HDAC4: variants seen among roughly 807,000 people sequenced by gnomAD.
HDAC4 encodes the protein histone deacetylase 4, also known as histone deacetylase A.
In HDAC4, 16 loss-of-function variants were observed where a neutral mutation model predicts 135.1. The ratio of observed to expected loss-of-function variants is 0.12; its 90% CI spans 0.08 to 0.18. The LOEUF (loss-of-function observed/expected upper bound fraction) is 0.18, where lower values mean the gene tolerates loss of function less well. Among genes scored for constraint, HDAC4 ranks in the 10% least tolerant of loss-of-function variants. The probability of loss-of-function intolerance (pLI) is 1.00; values close to 1 mark genes in which losing one functional copy is unlikely to be tolerated. For missense variants in HDAC4, 1,143 were observed against 1,511.8 expected (o/e 0.76, Z 4.05); for synonymous variants, 685 against 653.4 (o/e 1.05, Z -0.74).
At chr2:239,389,706 G>A (rs1008307671) in intron 1 of HDAC4, among the ~76,000 whole-genome samples, 2 of 152,166 alleles carry the variant, frequency 1.3e-5, no homozygotes, top group African/African-American at 2.4e-5. Context: ...CATGAGGCAC[G>A]AGGAGCTAAA....
At position 239,352,626 on chromosome 2, in the gene HDAC4, TG is replaced by T; in HGVS notation, c.22+51del. ...GCTGCAGTCACAAGAACTTCTACTT[TG>T]GGCAAAGAAAGCCCCGCTGTGTGCC... On this transcript the variant is annotated intron_variant, in intron 2 of 26. Coordinates refer to ENST00000543185, the MANE Select transcript of HDAC4 (RefSeq NM_001378414.1). The surrounding 1 kb of genome is among the most constrained non-coding windows in gnomAD (Gnocchi z 4.4). 1 of 1,533,916 alleles carries T rather than the reference TG, an allele frequency of 6.5e-7. No homozygotes were observed. The highest frequency in any genetic ancestry group is 8.8e-7 in the Non-Finnish European group (1 of 1,130,682).
intron 2 of HDAC4, among the ~76,000 whole-genome samples, chr2:239,283,297 G>C (rs137884915): frequency 6.6e-6 from 1 of 152,230 alleles, no homozygotes; most frequent in Non-Finnish European, 1.5e-5. Flanking sequence ...TCTGCATGAC[G>C]CTGGGTCTCT....
At chr2:239,232,083 G>A (rs1344072217) in intron 3 of HDAC4, among the ~76,000 whole-genome samples, 2 of 152,134 alleles carry the variant, frequency 1.3e-5, no homozygotes, top group East Asian at 1.9e-4. Flanking sequence ...CTCCTCAATC[G>A]AGGCTGCTGA....
intron 9 of HDAC4, among the ~76,000 whole-genome samples, chr2:239,136,641 C>A (rs62190771): frequency 1.3e-5 from 2 of 152,172 alleles, no homozygotes; most frequent in African/African-American, 4.8e-5. Flanking sequence ...GCCATTCATC[C>A]GACAAGGGAG....
intron 22 of HDAC4, among the ~76,000 whole-genome samples, chr2:239,080,545 AGGAG>A (rs1340533861): frequency 2.0e-5 from 3 of 152,114 alleles, no homozygotes; most frequent in Non-Finnish European, 4.4e-5. Context: ...CCTAGACCAA[AGGAG>A]AAGGAACCGC....
At chr2:239,142,073 G>A (rs1259820359) in intron 8 of HDAC4, among the ~76,000 whole-genome samples, 1 of 152,126 alleles carries the variant, frequency 6.6e-6, no homozygotes. Flanking sequence ...TGCAGAGTGA[G>A]AGAACTCAGG....
chr2:239,053,946 G>T (rs1036416993), intron 25 of HDAC4, among the ~76,000 whole-genome samples: 2 of 152,092 alleles, frequency 1.3e-5, no homozygotes, highest in Non-Finnish European at 2.9e-5. Flanking sequence ...AGCCTGCTGG[G>T]TTGAGCCTTC....
intron 2 of HDAC4, among the ~76,000 whole-genome samples, chr2:239,264,860 C>T (rs142880616): frequency 2.0e-5 from 3 of 152,296 alleles, no homozygotes; most frequent in Admixed American, 6.5e-5. Flanking sequence ...CTCGGTGTTC[C>T]GGGGACCTGA....
intron 11 of HDAC4, among the ~76,000 whole-genome samples, chr2:239,129,500 G>C (rs1377678226): frequency 2.0e-5 from 3 of 152,160 alleles, no homozygotes; most frequent in African/African-American, 7.2e-5. Context: ...CCTGCTCTGG[G>C]CTCCTCCCCT....
chr2:239,081,712 C>T (rs1396932347), intron 21 of HDAC4, among the ~76,000 whole-genome samples: 1 of 152,202 alleles, frequency 6.6e-6, no homozygotes, highest in Admixed American at 6.5e-5. Flanking sequence ...GCCTGCCGTT[C>T]CTGGGGCCGC....
chr2:239,080,509 G>A (rs555857979), intron 22 of HDAC4, among the ~76,000 whole-genome samples: 1 of 152,268 alleles, frequency 6.6e-6, no homozygotes, highest in African/African-American at 2.4e-5. Context: ...ATCCCATTTT[G>A]GGTCACAGGA....
intron 3 of HDAC4, among the ~76,000 whole-genome samples, chr2:239,193,014 G>GA (rs2045104107): frequency 6.6e-6 from 1 of 152,246 alleles, no homozygotes; most frequent in Non-Finnish European, 1.5e-5. Context: ...TGGTCAAACA[G>GA]AGACATTTTA....
chr2:239,269,859 T>C (rs1319309923), intron 2 of HDAC4, among the ~76,000 whole-genome samples: 2 of 152,172 alleles, frequency 1.3e-5, no homozygotes, highest in East Asian at 3.9e-4. Context: ...AGGCCAGCAA[T>C]GATGGGTTTG....
intron 1 of HDAC4, among the ~76,000 whole-genome samples, chr2:239,394,265 A>T (rs1024352666): frequency 2.6e-5 from 4 of 152,376 alleles, no homozygotes; most frequent in African/African-American, 9.6e-5. Context: ...AAACTCACAA[A>T]GCCCAACACT....
chr2:239,107,804 G>C (rs927471145), intron 15 of HDAC4, among the ~76,000 whole-genome samples: 1 of 152,170 alleles, frequency 6.6e-6, no homozygotes, highest in Non-Finnish European at 1.5e-5. Context: ...CATCAGGAAA[G>C]GTCACAGACA....
intron 22 of HDAC4, among the ~76,000 whole-genome samples, chr2:239,077,358 C>A (rs1444207338): frequency 4.6e-5 from 7 of 152,256 alleles, no homozygotes; most frequent in Non-Finnish European, 8.8e-5. Flanking sequence ...CCTCCAGAAA[C>A]TTCCTTGGCC....
In HDAC4 at chr2:239,285,341, C is replaced by T. The variant is rs994954073; in HGVS notation, c.23-48677G>A. On this transcript the variant is annotated intron_variant, in intron 2 of 26. Transcript: ENST00000543185. This position sits in a 1 kb window ranked among gnomAD's most constrained non-coding sequence, Gnocchi z 4.5. ...GGCCCCCAAGTTCGCGGCTGTGCAG[C>T]GTGGCCAGAATGCTGAGCCGGTGCT... Among the ~76,000 whole-genome samples the T allele has an allele frequency of 3.3e-5, 5 of 152,282 alleles. No individual in the cohort carries two copies. The highest frequency in any genetic ancestry group is 2.1e-4 in the South Asian group (1 of 4,828).
At chr2:239,289,276 T>C (rs1271325287) in intron 2 of HDAC4, among the ~76,000 whole-genome samples, 12 of 152,238 alleles carry the variant, frequency 7.9e-5, no homozygotes, top group Admixed American at 7.9e-4. Flanking sequence ...TACAAGGTTA[T>C]CTTTATGGCC....
At chr2:239,171,366 T>C (rs2043444047) in intron 5 of HDAC4, among the ~76,000 whole-genome samples, 1 of 152,096 alleles carries the variant, frequency 6.6e-6, no homozygotes. Flanking sequence ...TAAAATCCAA[T>C]GGATGAGTTT....
Sources: gnomAD v4.1 joint callset for allele counts (sites outside exome capture counted in the v4.1 genomes callset) on GRCh38, gnomAD v4.1.1 for gene constraint, Gnocchi (gnomAD v3.1) non-coding constraint, MANE v1.5 for transcripts, NCBI Gene and HGNC (gene_info 2026-07-23, HGNC 2026-07-21) for gene names.